The following NBEA variants were observed in gnomAD, a reference collection of about 807,000 sequenced individuals.
The protein encoded by NBEA is lysosomal-trafficking regulator 2.
NBEA carries 44 observed loss-of-function variants against 343.4 expected under a neutral mutation model. That is an observed-to-expected ratio of 0.13 (90% confidence interval 0.10 to 0.16). The LOEUF (loss-of-function observed/expected upper bound fraction) is 0.16, where lower values mean the gene tolerates loss of function less well. Among genes scored for constraint, NBEA ranks in the 10% least tolerant of loss-of-function variants. The probability of loss-of-function intolerance (pLI) is 1.00; values close to 1 mark genes in which losing one functional copy is unlikely to be tolerated. For synonymous variants in NBEA, 1,175 were observed against 1,238.7 expected (o/e 0.95, Z 1.08); for missense variants, 2,555 against 3,631.3 (o/e 0.70, Z 7.62).
intron 49 of NBEA, among the ~76,000 whole-genome samples, chr13:35,640,141 G>A (rs561612018): frequency 4.0e-4 from 61 of 152,294 alleles, no homozygotes; most frequent in African/African-American, 1.4e-3. Context: ...TTAGTAGGAA[G>A]TCTTTTATAT....
chr13:35,617,605 A>G lies in NBEA; in HGVS notation c.7450-10476A>G, dbSNP rs544073938. ...CCTCTGAGAACTGTCTTAAGCATCA[A>G]CGCTACGCAAAGACATCTCGTGAAA... is the stretch of plus-strand genomic sequence containing the variant. On this transcript the variant is annotated intron_variant, in intron 48 of 58. Coordinates refer to ENST00000379939, the MANE Select transcript of NBEA (RefSeq NM_001385012.1). 7.9e-5 allele frequency among the ~76,000 whole-genome samples: 12 copies of G among 152,334 alleles called. No individual in the cohort carries two copies. The South Asian group carries it at 2.3e-3, about 29-fold the overall frequency.
At chr13:35,143,176 T>C (rs1000499610) in intron 18 of NBEA, among the ~76,000 whole-genome samples, 9 of 152,194 alleles carry the variant, frequency 5.9e-5, no homozygotes, top group African/African-American at 2.2e-4. Context: ...TGTATAGGAT[T>C]TTCAAATTTC....
chr13:35,163,997 A>G (rs917744375), intron 23 of NBEA, among the ~76,000 whole-genome samples: 14 of 152,152 alleles, frequency 9.2e-5, no homozygotes, highest in Admixed American at 5.9e-4. Flanking sequence ...TTAACATTAG[A>G]CATACTTTTT....
chr13:35,157,577 T>C (rs2069257380), intron 21 of NBEA, among the ~76,000 whole-genome samples: 1 of 152,164 alleles, frequency 6.6e-6, no homozygotes, highest in South Asian at 2.1e-4. Flanking sequence ...CTTGGAAGAA[T>C]ATTTTATGAA....
intron 1 of NBEA, among the ~76,000 whole-genome samples, chr13:35,026,442 C>CAT (rs113835131): frequency 0.043 from 6,569 of 152,062 alleles, 258 homozygotes; most frequent in African/African-American, 0.099. Context: ...TTTTATATCT[C>CAT]AGTTTTTTCT....
chr13:35,213,742 A>G (rs1490502956), intron 33 of NBEA, among the ~76,000 whole-genome samples: 2 of 151,818 alleles, frequency 1.3e-5, no homozygotes, highest in African/African-American at 4.8e-5. Flanking sequence ...AACTTCACTG[A>G]AACTATTTGT....
At chr13:35,388,566 T>C (rs1193255406) in intron 38 of NBEA, among the ~76,000 whole-genome samples, 1 of 152,224 alleles carries the variant, frequency 6.6e-6, no homozygotes, top group Non-Finnish European at 1.5e-5. Flanking sequence ...GCCAGTACTT[T>C]AATATTTCCC....
chr13:35,354,087 C>A (rs2040356645), intron 38 of NBEA, among the ~76,000 whole-genome samples: 1 of 152,132 alleles, frequency 6.6e-6, no homozygotes, highest in African/African-American at 2.4e-5. Flanking sequence ...TTAAAGTTAA[C>A]TGACTGTAGA....
In NBEA at chr13:35,171,276, A is replaced by G; in HGVS notation, c.4247A>G (p.Glu1416Gly). The G allele has an allele frequency of 6.2e-7, 1 of 1,607,044 alleles. No homozygotes were observed. Among genetic ancestry groups the G allele is most frequent in the Non-Finnish European group, 8.5e-7 (1 of 1,176,694 alleles). ...AATSPTGSKTELENIEVTQGM... is the reference protein window; with the variant it reads ...AATSPTGSKTGLENIEVTQGM... ...AAATCTTCTACTTTTTTAAAGACGG[A>G]ATTGGAAAATATTGAAGTGACACAA... Residue 1416 changes from glutamate (E) to glycine (G), a missense_variant, in exon 26 of 59, where the codon GAA becomes GGA. By Grantham distance (98) the Glu-to-Gly change is moderately conservative (BLOSUM62 -2). Transcript: ENST00000379939.
At chr13:35,402,115 G>T (rs2043029247) in intron 38 of NBEA, among the ~76,000 whole-genome samples, 1 of 151,596 alleles carries the variant, frequency 6.6e-6, no homozygotes, top group Non-Finnish European at 1.5e-5. Flanking sequence ...ACTTCAAAAG[G>T]TGAACAAGAA....
intron 10 of NBEA, among the ~76,000 whole-genome samples, chr13:35,093,757 GC>G (rs774251024): frequency 5.6e-4 from 85 of 152,032 alleles, no homozygotes; most frequent in Middle Eastern, 6.8e-3. Flanking sequence ...TATAGTGGTG[GC>G]TGCCATTTGT....
At chr13:35,550,435 T>A (rs1265397530) in intron 41 of NBEA, 42 bp from the exon 42 acceptor site, 3 of 1,152,666 alleles carry the variant, frequency 2.6e-6, no homozygotes, top group Non-Finnish European at 3.9e-6. Flanking sequence ...CTTAAATCCA[T>A]ATTTTATTGA....
chr13:35,655,475 A>T (rs978166055), intron 54 of NBEA, 104 bp from the exon 55 acceptor site: 2 of 1,227,656 alleles, frequency 1.6e-6, no homozygotes, highest in Non-Finnish European at 2.2e-6. Context: ...GTAAAATAAA[A>T]TTAAAAATAT....
At chr13:35,163,467 C>T (rs1050618431) in intron 23 of NBEA, among the ~76,000 whole-genome samples, 5 of 151,856 alleles carry the variant, frequency 3.3e-5, no homozygotes, top group Non-Finnish European at 5.9e-5. Context: ...CAGGGCAAGA[C>T]CCTGTTTTTA....
chr13:34,973,094 G>A lies in NBEA; in HGVS notation c.294+29980G>A, dbSNP rs553279813. ...GTCCACTGCAGTCCTTAGTCATTTC[G>A]GGTTTTCCAGTACCTACCTGAAGGT... On this transcript the variant is annotated intron_variant, in intron 1 of 58. Coordinates refer to ENST00000379939, the MANE Select transcript of NBEA (RefSeq NM_001385012.1). Among the ~76,000 whole-genome samples, 50 of 152,102 alleles carry A rather than the reference G, an allele frequency of 3.3e-4. No individual in the cohort carries two copies. The East Asian group carries it at 9.5e-3, about 29-fold the overall frequency.
chr13:35,227,510 T>C (rs192939429), intron 33 of NBEA, among the ~76,000 whole-genome samples: 1 of 152,224 alleles, frequency 6.6e-6, no homozygotes, highest in Non-Finnish European at 1.5e-5. Context: ...AATAAAAATC[T>C]ACTATAGAAT....
intron 38 of NBEA, among the ~76,000 whole-genome samples, chr13:35,427,960 G>T (rs944936656): frequency 2.0e-5 from 3 of 152,280 alleles, no homozygotes; most frequent in Admixed American, 2.0e-4. Flanking sequence ...CTCCTCGTGT[G>T]CCGTTTTTCA....
Position 35,555,011 on chromosome 13 carries a change from A to G in NBEA, c.6831A>G (p.Arg2277=), listed in dbSNP as rs376689246. Residue 2277 remains arginine (R), a synonymous_variant, in exon 44 of 59, where the codon CGA becomes CGG. Transcript: ENST00000379939. The stretch of plus-strand genomic sequence containing the variant: ...GGAGGATATCATTGGCCACTCCTCG[A>G]CAGCTTTATAAATCTTCCAATATGA... ...QARRISLATP[R]QLYKSSNMTQ... The G allele has an allele frequency of 7.6e-5, 122 of 1,611,184 alleles. 6 individuals are homozygous for G. The South Asian group carries it at 1.3e-3, about 17-fold the overall frequency.
chr13:35,634,989 A>G (rs1480695237), intron 49 of NBEA, among the ~76,000 whole-genome samples: 1 of 148,666 alleles, frequency 6.7e-6, no homozygotes, highest in Non-Finnish European at 1.5e-5. Context: ...GTCAAGAACC[A>G]GAAGATAGAT....
Sources: allele counts gnomAD v4.1 joint callset (sites outside exome capture counted in the v4.1 genomes callset), GRCh38; gene constraint gnomAD v4.1.1; transcripts MANE v1.5; gene names NCBI Gene and HGNC (gene_info 2026-07-23, HGNC 2026-07-21).